The following NCOA1 variants were observed in gnomAD, a reference collection of about 807,000 sequenced individuals.
NCOA1 encodes nuclear receptor coactivator 1, also known as Hin-2 protein.
NCOA1 carries 35 observed loss-of-function variants against 150.9 expected under a neutral mutation model. The observed-to-expected ratio is 0.23, with a 90% confidence interval of 0.18 to 0.31. The LOEUF (loss-of-function observed/expected upper bound fraction) is 0.31. Among genes scored for constraint, NCOA1 ranks in the 10% least tolerant of loss-of-function variants. The probability of loss-of-function intolerance (pLI) is 1.00; values close to 1 mark genes in which losing one functional copy is unlikely to be tolerated. For missense variants in NCOA1, 1,491 were observed against 1,749.3 expected (o/e 0.85, Z 2.63); for synonymous variants, 590 against 630.0 (o/e 0.94, Z 0.95).
At chr2:24,693,467 T>C (rs757226996) in intron 10 of NCOA1, 120 bp downstream of exon 10, 18 of 801,882 alleles carry the variant, frequency 2.2e-5, no homozygotes, top group Non-Finnish European at 3.5e-5. Flanking sequence ...TCCCTAGTCT[T>C]ATACAGAAAA....
rs1572704315 is a variant in NCOA1 at position 24,769,064 on chromosome 2, G to A, written c.*673G>A. ...GGAATCCAAAAAATACAGTTTGGGGGAAAATGCAATAATTTTTGATGAGAT... is the reference window on the plus strand; with the variant it reads ...GGAATCCAAAAAATACAGTTTGGGGAAAAATGCAATAATTTTTGATGAGAT... On this transcript the variant is annotated 3_prime_UTR_variant, in exon 23 of 23. Transcript: ENST00000348332. The A allele has an allele frequency of 4.7e-6, 1 of 214,584 alleles. No homozygotes were observed. Among genetic ancestry groups the A allele is most frequent in the East Asian group, 7.0e-5 (1 of 14,238 alleles). The allele number at this position is 214,584 out of a possible 1,614,324, so 13.3% of individuals were successfully genotyped here.
intron 20 of NCOA1, among the ~76,000 whole-genome samples, chr2:24,756,646 C>A (rs1276028796): frequency 8.6e-5 from 13 of 152,030 alleles, no homozygotes; most frequent in Admixed American, 8.5e-4. Flanking sequence ...ATTTTACCAG[C>A]AGTTTATTGT....
chr2:24,584,189 G>A (rs902948209), intron 2 of NCOA1, among the ~76,000 whole-genome samples: 2 of 151,810 alleles, frequency 1.3e-5, no homozygotes, highest in Non-Finnish European at 2.9e-5. Context: ...TTTTTAAAAA[G>A]CTATTATTTT....
At chr2:24,667,499 G>A (rs1055080189) in intron 6 of NCOA1, among the ~76,000 whole-genome samples, 1 of 152,054 alleles carries the variant, frequency 6.6e-6, no homozygotes, top group Non-Finnish European at 1.5e-5. Context: ...ACAGAAAAAA[G>A]GGAACTCAGA....
intron 1 of NCOA1, among the ~76,000 whole-genome samples, chr2:24,535,195 A>G (rs945849764): frequency 6.6e-6 from 1 of 152,062 alleles, no homozygotes; most frequent in African/African-American, 2.4e-5. Flanking sequence ...TCCCTTTACC[A>G]TTATGTAATG....
chr2:24,701,423 C>A (rs1389921169), intron 11 of NCOA1, among the ~76,000 whole-genome samples: 4 of 150,914 alleles, frequency 2.7e-5, no homozygotes, highest in African/African-American at 9.7e-5. Context: ...GAGAGAATTG[C>A]TTGAGCCCAG....
intron 9 of NCOA1, among the ~76,000 whole-genome samples, chr2:24,692,786 A>G (rs1672723882): frequency 6.6e-6 from 1 of 152,234 alleles, no homozygotes; most frequent in Non-Finnish European, 1.5e-5. Context: ...GTTGCCAGCA[A>G]TTTTATTTCT....
At position 24,747,574 on chromosome 2, in the gene NCOA1, C is replaced by A. The variant is rs1046254331; in HGVS notation, c.3707-4408C>A. On this transcript the variant is annotated intron_variant, in intron 19 of 22. Coordinates refer to ENST00000348332, the MANE Select transcript of NCOA1 (RefSeq NM_003743.5). ...AAACTCCTGGCCTTAAGCCATCCTCCCACCTTAGCCTCCCAAAGCACTGGG... is the reference window on the plus strand; with the variant it reads ...AAACTCCTGGCCTTAAGCCATCCTCACACCTTAGCCTCCCAAAGCACTGGG... 2.6e-5 allele frequency among the ~76,000 whole-genome samples: 4 copies of A among 152,172 alleles called. No homozygotes were observed. The East Asian group carries it at 7.7e-4, about 29-fold the overall frequency.
chr2:24,511,621 A>C (rs547149450), intron 1 of NCOA1, among the ~76,000 whole-genome samples: 157 of 151,332 alleles, frequency 1.0e-3, no homozygotes, highest in African/African-American at 3.8e-3. Context: ...TCTGGATGCA[A>C]GTCCTTTATC....
At chr2:24,493,961 A>G (rs563462236) in intron 1 of NCOA1, among the ~76,000 whole-genome samples, 9 of 152,310 alleles carry the variant, frequency 5.9e-5, no homozygotes, top group South Asian at 4.1e-4. Flanking sequence ...TTGGGTTGCT[A>G]TGGTGCTAAC....
chr2:24,580,407 G>C (rs930752637), intron 2 of NCOA1, among the ~76,000 whole-genome samples: 5 of 152,100 alleles, frequency 3.3e-5, no homozygotes, highest in Non-Finnish European at 5.9e-5. Context: ...TCTTTTGTTA[G>C]CGTTAGATCT....
chr2:24,710,942 C>T lies in NCOA1; in HGVS notation c.2430C>T (p.Asp810=), dbSNP rs1249162185. ...GTTTCCATTCTTAGTTTACAGCTGA[C>T]CTTGACCAGTTTGATCAGTTACTGC... ...KLEAQSQFTA[D]LDQFDQLLPT... is the part of the protein sequence containing the mutation. The change falls in exon 14 of 23, where the codon GAC becomes GAT. Residue 810 remains aspartate, a synonymous_variant. Transcript: ENST00000348332. 3 of 1,613,892 alleles carry T rather than the reference C, an allele frequency of 1.9e-6. No individual in the cohort carries two copies. Among genetic ancestry groups the T allele is most frequent in the Non-Finnish European group, 2.5e-6 (3 of 1,179,934 alleles).
intron 3 of NCOA1, among the ~76,000 whole-genome samples, chr2:24,598,576 A>C (rs1558825628): frequency 6.6e-6 from 1 of 152,172 alleles, no homozygotes. Flanking sequence ...AAGCCTGATA[A>C]GTAGAGTACC....
At chr2:24,551,569 A>G (rs762350365) in intron 1 of NCOA1, among the ~76,000 whole-genome samples, 10 of 152,128 alleles carry the variant, frequency 6.6e-5, no homozygotes, top group Non-Finnish European at 7.4e-5. Context: ...TCAGCCCACT[A>G]CTTGTTTTTG....
chr2:24,540,409 G>A (rs1398044197), intron 1 of NCOA1, among the ~76,000 whole-genome samples: 1 of 151,792 alleles, frequency 6.6e-6, no homozygotes, highest in East Asian at 1.9e-4. Context: ...TCTTTTTGGT[G>A]CCAAGATGGA....
chr2:24,753,948 A>G (rs1403112955), intron 20 of NCOA1, among the ~76,000 whole-genome samples: 3 of 152,226 alleles, frequency 2.0e-5, no homozygotes, highest in Non-Finnish European at 2.9e-5. Context: ...GATGAAAACT[A>G]AAGTGATATT....
In NCOA1 at chr2:24,628,226, G is replaced by A. The variant is rs557998657; in HGVS notation, c.-174-15740G>A. Among the ~76,000 whole-genome samples, 4 of 152,076 alleles carry A rather than the reference G, an allele frequency of 2.6e-5. No individual in the cohort carries two copies. The East Asian group carries it at 7.7e-4, about 29-fold the overall frequency. The stretch of plus-strand genomic sequence containing the variant: ...GAGGCAGGAGAATTGCTTGAACCTG[G>A]GAGGCAGAGGTTGCAGTGAGCCAAG... On this transcript the variant is annotated intron_variant, in intron 3 of 22. Coordinates refer to ENST00000348332, the MANE Select transcript of NCOA1 (RefSeq NM_003743.5).
intron 6 of NCOA1, among the ~76,000 whole-genome samples, chr2:24,670,448 A>G (rs182484007): frequency 6.6e-6 from 1 of 152,328 alleles, no homozygotes; most frequent in East Asian, 1.9e-4. Flanking sequence ...ATGAATAGAT[A>G]TATAAAAGGA....
chr2:24,583,092 C>A (rs1330303977), intron 2 of NCOA1, among the ~76,000 whole-genome samples: 1 of 152,090 alleles, frequency 6.6e-6, no homozygotes, highest in Non-Finnish European at 1.5e-5. Flanking sequence ...TAAAAAACCT[C>A]ACAGCAGAGA....
Sources: allele counts gnomAD v4.1 joint callset (sites outside exome capture counted in the v4.1 genomes callset), GRCh38; gene constraint gnomAD v4.1.1; transcripts MANE v1.5; gene names NCBI Gene and HGNC (gene_info 2026-07-23, HGNC 2026-07-21).